ZMYND11: variants seen among roughly 807,000 people sequenced by gnomAD.
ZMYND11 encodes the protein zinc finger MYND-type containing 11.
In ZMYND11, 9 loss-of-function variants were observed where a neutral mutation model predicts 84.9. The observed-to-expected ratio is 0.11, with a 90% confidence interval of 0.06 to 0.18. The LOEUF (loss-of-function observed/expected upper bound fraction) is 0.18. Among genes scored for constraint, ZMYND11 ranks in the 10% least tolerant of loss-of-function variants. The pLI, the probability that ZMYND11 is intolerant of heterozygous loss-of-function variation, is 1.00. For synonymous variants in ZMYND11, 250 were observed against 244.1 expected, an observed-to-expected ratio of 1.02 and a Z score of -0.23; for missense variants, 409 against 761.0, an observed-to-expected ratio of 0.54 and a Z score of 5.44.
chr10:180,821 A>G (rs1162433315), intron 2 of ZMYND11, among the ~76,000 whole-genome samples: 2 of 152,238 alleles, frequency 1.3e-5, no homozygotes, highest in East Asian at 3.8e-4. Flanking sequence ...GTAGTAAGAA[A>G]CATCTTACTA....
intron 10 of ZMYND11, among the ~76,000 whole-genome samples, 195 bp from the exon 11 acceptor site, chr10:246,571 T>C (rs1186712324): frequency 1.3e-5 from 2 of 152,166 alleles, no homozygotes; most frequent in South Asian, 2.1e-4. Flanking sequence ...ATTCAAGCCA[T>C]GACGAAGCCT....
At chr10:132,449 G>T (rs868924003), upstream of ZMYND11, among the ~76,000 whole-genome samples, 17 of 151,898 alleles carry the variant, frequency 1.1e-4, no homozygotes, top group Middle Eastern at 3.4e-3. Flanking sequence ...GTCTGAGGAT[G>T]GGGGGCTGTA....
chr10:252,395 A>C lies in ZMYND11; in HGVS notation c.1734A>C (p.Thr578=), dbSNP rs754793085. The change falls in exon 15 of 15, where the codon ACA becomes ACC. Residue 578 remains threonine (T), a synonymous_variant. Coordinates refer to ENST00000381604, the MANE Select transcript of ZMYND11 (RefSeq NM_001370100.5). The surrounding 1 kb of genome is among the most constrained non-coding windows in gnomAD (Gnocchi z 4.6). The stretch of plus-strand genomic sequence containing the variant: ...CCATGTACCACTGCTGCTGGAACAC[A>C]TCCTACTGCTCCATCAAGTGCCAGC... ...EEAMYHCCWN[T]SYCSIKCQQE... The C allele has an allele frequency of 2.5e-6, 4 of 1,614,060 alleles. No individual in the cohort carries two copies. The South Asian group carries it at 4.4e-5, about 18-fold the overall frequency.
At chr10:229,655 T>C (rs924426902) in intron 4 of ZMYND11, among the ~76,000 whole-genome samples, 8 of 152,190 alleles carry the variant, frequency 5.3e-5, no homozygotes, top group African/African-American at 1.9e-4. Flanking sequence ...AGTGTGTCAG[T>C]ACTGGGAGTG....
Position 224,349 on chromosome 10 carries a change from C to G in ZMYND11, c.438+2993C>G, listed in dbSNP as rs185775520. Among the ~76,000 whole-genome samples, 414 of 152,070 alleles carry G rather than the reference C, an allele frequency of 2.7e-3. 1 individual carries two copies. The highest frequency in any genetic ancestry group is 9.7e-3 in the African/African-American group (403 of 41,484). ...ATAATAAATCTCTAGAATCTATAACCCTAAGAATAGTTCTTTGGAATGTCT... is the reference window on the plus strand; with the variant it reads ...ATAATAAATCTCTAGAATCTATAACGCTAAGAATAGTTCTTTGGAATGTCT... On this transcript the variant is annotated intron_variant, in intron 4 of 14. Transcript: ENST00000381604.
At chr10:194,605 G>T (rs1044383918) in intron 2 of ZMYND11, among the ~76,000 whole-genome samples, 3 of 152,084 alleles carry the variant, frequency 2.0e-5, no homozygotes, top group African/African-American at 7.2e-5. Flanking sequence ...TTAAAAGTTC[G>T]AGTCATTCCG....
At chr10:133,603 C>T (rs572021356), upstream of ZMYND11, among the ~76,000 whole-genome samples, 11 of 152,142 alleles carry the variant, frequency 7.2e-5, no homozygotes, top group South Asian at 2.1e-4. Context: ...TTGTCTTACT[C>T]GAGTGCCTTC....
upstream of ZMYND11, among the ~76,000 whole-genome samples, chr10:132,219 C>T (rs1835325174): frequency 6.6e-6 from 1 of 151,068 alleles, no homozygotes; most frequent in African/African-American, 2.4e-5. Flanking sequence ...CCCTTCCACG[C>T]TGTGGAAGCT....
chr10:236,611 GATATT>G (rs1024008220), intron 4 of ZMYND11, among the ~76,000 whole-genome samples: 19 of 152,154 alleles, frequency 1.2e-4, no homozygotes, highest in Admixed American at 6.5e-5. Context: ...ATCCTGTAAG[GATATT>G]ATATCAGGTA....
intron 1 of ZMYND11, among the ~76,000 whole-genome samples, chr10:172,955 C>T (rs1284654451): frequency 2.6e-5 from 4 of 151,730 alleles, no homozygotes; most frequent in Admixed American, 6.6e-5. Flanking sequence ...TCAACTTTTA[C>T]CAAGGAGCAG....
At chr10:182,934 A>G (rs1848183160) in intron 2 of ZMYND11, among the ~76,000 whole-genome samples, 1 of 152,202 alleles carries the variant, frequency 6.6e-6, no homozygotes, top group South Asian at 2.1e-4. Flanking sequence ...TCCGAACATA[A>G]AGATAATCTT....
chr10:181,576 G>C (rs977395809), intron 2 of ZMYND11, among the ~76,000 whole-genome samples: 2 of 152,074 alleles, frequency 1.3e-5, no homozygotes, highest in Non-Finnish European at 2.9e-5. Context: ...CCGAGGAAAG[G>C]CCACTGCACT....
intron 1 of ZMYND11, among the ~76,000 whole-genome samples, chr10:172,688 T>G (rs1554766000): frequency 1.3e-5 from 2 of 152,148 alleles, no homozygotes; most frequent in African/African-American, 4.8e-5. Flanking sequence ...TATGTATGGA[T>G]TCATGTAGTC....
chr10:211,968 T>C (rs1369886129), intron 3 of ZMYND11, among the ~76,000 whole-genome samples: 1 of 152,194 alleles, frequency 6.6e-6, no homozygotes, highest in Non-Finnish European at 1.5e-5. Flanking sequence ...AAATTTCTAA[T>C]CTTAAAACAC....
At chr10:241,077 GTA>G in intron 9 of ZMYND11, 107 bp downstream of exon 9, 1 of 789,546 alleles carries the variant, frequency 1.3e-6, no homozygotes, top group Non-Finnish European at 2.0e-6. Context: ...AAATATCATA[GTA>G]TATATGGGTT....
At chr10:155,254 T>C (rs1168917332) in intron 1 of ZMYND11, among the ~76,000 whole-genome samples, 1 of 152,162 alleles carries the variant, frequency 6.6e-6, no homozygotes, top group African/African-American at 2.4e-5. Flanking sequence ...TTTGACTACA[T>C]ACAATTTAAA....
intron 1 of ZMYND11, among the ~76,000 whole-genome samples, chr10:146,077 C>T (rs1482958293): frequency 3.3e-5 from 5 of 152,106 alleles, no homozygotes; most frequent in African/African-American, 1.2e-4. Flanking sequence ...GCTAGGGATC[C>T]AGTTTCATTC....
chr10:249,670 G>A (rs2131992478), intron 14 of ZMYND11: 3 of 985,330 alleles, frequency 3.0e-6, no homozygotes, highest in East Asian at 1.1e-4. Flanking sequence ...GAGTGCACAG[G>A]GTCCAAGTGC....
At chr10:168,162 C>T (rs7081674) in intron 1 of ZMYND11, among the ~76,000 whole-genome samples, 6,110 of 152,076 alleles carry the variant, frequency 0.04, 392 homozygotes, top group African/African-American at 0.14. Flanking sequence ...GACAATACTA[C>T]ATATGCAATA....
Sources: gnomAD v4.1 joint callset for allele counts (sites outside exome capture counted in the v4.1 genomes callset) on GRCh38, gnomAD v4.1.1 for gene constraint, Gnocchi (gnomAD v3.1) non-coding constraint, MANE v1.5 for transcripts, NCBI Gene and HGNC (gene_info 2026-07-23, HGNC 2026-07-21) for gene names.